Variants in DPP6 observed in about 807,000 individuals in gnomAD.
DPP6 encodes A-type potassium channel modulatory protein DPP6.
A neutral mutation model predicts 122.6 loss-of-function variants in DPP6; 69 were observed. The ratio of observed to expected loss-of-function variants is 0.56; its 90% confidence interval spans 0.46 to 0.69. The LOEUF (loss-of-function observed/expected upper bound fraction) is 0.69, where lower values mean the gene tolerates loss of function less well. Among genes scored for constraint, DPP6 ranks in the 30% least tolerant of loss-of-function variants. The pLI, the probability that DPP6 is intolerant of heterozygous loss-of-function variation, is 0.00. For synonymous variants in DPP6, 418 were observed against 433.1 expected (o/e 0.97, Z 0.43); for missense variants, 928 against 1,116.9 (o/e 0.83, Z 2.41).
intron 6 of DPP6, among the ~76,000 whole-genome samples, chr7:154,642,928 A>T (rs1449726634): frequency 1.3e-5 from 2 of 152,216 alleles, no homozygotes; most frequent in Non-Finnish European, 1.5e-5. Context: ...GGAATGATAT[A>T]TGCAAAACAC....
chr7:154,807,651 G>A (rs1398545291), intron 16 of DPP6, among the ~76,000 whole-genome samples: 2 of 152,016 alleles, frequency 1.3e-5, no homozygotes, highest in African/African-American at 4.8e-5. Flanking sequence ...GCGAAATCCC[G>A]TCTCTACTAA....
At chr7:153,940,005 T>C (rs1801624609) in intron 1 of DPP6, among the ~76,000 whole-genome samples, 1 of 152,170 alleles carries the variant, frequency 6.6e-6, no homozygotes, top group African/African-American at 2.4e-5. Context: ...GTGTTTTGAC[T>C]GTATGCTGGG....
chr7:154,211,857 G>A (rs1479932851), intron 1 of DPP6, among the ~76,000 whole-genome samples: 1 of 152,158 alleles, frequency 6.6e-6, no homozygotes, highest in African/African-American at 2.4e-5. Context: ...ACAGGGAAGG[G>A]ACAGCCTTGT....
intron 6 of DPP6, among the ~76,000 whole-genome samples, chr7:154,640,959 T>A (rs1203065163): frequency 6.6e-6 from 1 of 152,216 alleles, no homozygotes; most frequent in African/African-American, 2.4e-5. Context: ...TAGCTTGATT[T>A]TTTTTTCTTA....
intron 7 of DPP6, among the ~76,000 whole-genome samples, chr7:154,699,075 C>G (rs761676932): frequency 1.3e-5 from 2 of 152,170 alleles, no homozygotes; most frequent in Non-Finnish European, 1.5e-5. Flanking sequence ...GGGAGGGAAG[C>G]AGACACTGTC....
rs1480153035 is a variant in DPP6, at chr7:154,883,876, C to CG, written c.2134-1757_2134-1756insG. The CG allele has an allele frequency of 2.2e-3, 152 of 68,866 alleles. 1 individual carries two copies. Among genetic ancestry groups the CG allele is most frequent in the Middle Eastern group, 0.011 (1 of 88 alleles). The allele number at this position is 68,866 out of a possible 1,614,324, so 4.3% of individuals were successfully genotyped here. A position where few individuals can be genotyped will look rare whatever the true frequency, so the allele number is the denominator to read the frequency against. ...GCTCACATGATTACACATGCTCCCA[C>CG]ATACATACATGCTCACACACATTAC... On this transcript the variant is annotated intron_variant, in intron 21 of 25. Transcript: ENST00000377770.
intron 3 of DPP6, among the ~76,000 whole-genome samples, chr7:154,517,846 G>C (rs1256083001): frequency 6.6e-6 from 1 of 152,128 alleles, no homozygotes; most frequent in Non-Finnish European, 1.5e-5. Context: ...TCCTAATGGA[G>C]TAAACAGATA....
In DPP6 at chr7:153,963,619, C is replaced by T. The variant is rs1444455292; in HGVS notation, c.51+75885C>T. On this transcript the variant is annotated intron_variant, in intron 1 of 25. Coordinates refer to the DPP6 transcript ENST00000404039. ...GCAGCAGGTGAGTGAGCATGACTGC[C>T]CAAGCCCCACCTCCTGTCAGATCAG... 2.6e-5 allele frequency among the ~76,000 whole-genome samples: 4 copies of T among 151,970 alleles called. No individual in the cohort carries two copies. In the East Asian group the frequency reaches 7.7e-4, roughly 29 times the overall value.
intron 1 of DPP6, among the ~76,000 whole-genome samples, chr7:154,196,968 C>G (rs1439126124): frequency 6.6e-6 from 1 of 152,076 alleles, no homozygotes; most frequent in East Asian, 1.9e-4. Context: ...CCAGTAAAAT[C>G]TCCCTTCTCC....
chr7:154,480,055 C>T (rs749466806), intron 3 of DPP6, among the ~76,000 whole-genome samples: 1 of 144,138 alleles, frequency 6.9e-6, no homozygotes, highest in Non-Finnish European at 1.5e-5. Flanking sequence ...TGTCTGCTGT[C>T]TGCACTCAAT....
intron 22 of DPP6, among the ~76,000 whole-genome samples, chr7:154,886,869 C>T (rs944857759): frequency 6.6e-6 from 1 of 152,226 alleles, no homozygotes; most frequent in Non-Finnish European, 1.5e-5. Context: ...ACCTTCACAG[C>T]GGGCTCACTC....
chr7:153,896,085 CT>C (rs1799402338), intron 1 of DPP6, among the ~76,000 whole-genome samples: 1 of 152,238 alleles, frequency 6.6e-6, no homozygotes, highest in African/African-American at 2.4e-5. Context: ...ATTTTCTTCA[CT>C]GATATTGGTA....
In DPP6 at chr7:154,483,432, A is replaced by G. The variant is rs145290169; in HGVS notation, c.457+8395A>G. The stretch of plus-strand genomic sequence containing the variant: ...CATTTATTTGAGCAAACAGTGATTC[A>G]TGAATTGGGCAGCTCCAAACCAGAA... On this transcript the variant is annotated intron_variant, in intron 3 of 25. Transcript: ENST00000377770. The surrounding 1 kb of genome is among the most constrained non-coding windows in gnomAD (Gnocchi z 8.1). Among the ~76,000 whole-genome samples the G allele has an allele frequency of 7.4e-3, 1,117 of 151,586 alleles. 11 individuals carry two copies. The highest frequency in any genetic ancestry group is 0.022 in the African/African-American group (900 of 41,240).
chr7:154,246,494 G>T (rs571929846), intron 1 of DPP6, among the ~76,000 whole-genome samples: 1 of 152,014 alleles, frequency 6.6e-6, no homozygotes, highest in Non-Finnish European at 1.5e-5. Flanking sequence ...TTAATACAAG[G>T]TCAACGAAAA....
Position 154,772,945 on chromosome 7 carries a change from T to C in DPP6, c.1136+3T>C. ...CCGCCTGATGATCCACGGATGAGGTTTGCTTCCTTCTATTATGTTACCAAA... is the reference window on the plus strand; with the variant it reads ...CCGCCTGATGATCCACGGATGAGGTCTGCTTCCTTCTATTATGTTACCAAA... On this transcript the variant is annotated splice_donor_region_variant and intron_variant, in intron 10 of 25. Coordinates refer to ENST00000377770, the MANE Select transcript of DPP6 (RefSeq NM_130797.4). The C allele has an allele frequency of 6.3e-7, 1 of 1,588,162 alleles. No individual in the cohort carries two copies. Among genetic ancestry groups the C allele is most frequent in the Non-Finnish European group, 8.5e-7 (1 of 1,169,632 alleles).
intron 1 of DPP6, among the ~76,000 whole-genome samples, chr7:154,341,038 T>G (rs1381853539): frequency 6.6e-6 from 1 of 152,212 alleles, no homozygotes; most frequent in African/African-American, 2.4e-5. Context: ...AATTACATTC[T>G]CTAATGAATG....
At chr7:154,352,272 G>T (rs1454763769) in intron 1 of DPP6, among the ~76,000 whole-genome samples, 1 of 151,986 alleles carries the variant, frequency 6.6e-6, no homozygotes, top group East Asian at 1.9e-4. Flanking sequence ...GACCATCCTG[G>T]CTAACACAGT....
the DPP6 span, among the ~76,000 whole-genome samples, chr7:153,833,902 TC>T: frequency 5.9e-5 from 9 of 152,156 alleles, no homozygotes; most frequent in Non-Finnish European, 1.2e-4. Flanking sequence ...CAGCTAACCC[TC>T]CAGCATAAGG....
chr7:153,843,577 G>A, the DPP6 span, among the ~76,000 whole-genome samples: 3 of 152,158 alleles, frequency 2.0e-5, no homozygotes, highest in African/African-American at 7.2e-5. Context: ...TTATTATTAA[G>A]TTTAGTGAGG....
Sources: allele counts gnomAD v4.1 joint callset (sites outside exome capture counted in the v4.1 genomes callset), GRCh38; gene constraint gnomAD v4.1.1; non-coding constraint Gnocchi (gnomAD v3.1); transcripts MANE v1.5; gene names NCBI Gene and HGNC (gene_info 2026-07-23, HGNC 2026-07-21).